The following NIBAN1 variants were observed in gnomAD, a reference collection of about 807,000 sequenced individuals.
NIBAN1 encodes the protein niban apoptosis regulator 1.
In NIBAN1, 81 loss-of-function variants were observed where a neutral mutation model predicts 75.1. The observed-to-expected ratio is 1.08, with a 90% confidence interval of 0.90 to 1.30. The LOEUF (loss-of-function observed/expected upper bound fraction) is 1.30. Ranked by LOEUF, NIBAN1 falls within the 50% of genes most tolerant of loss-of-function variation. The pLI, the probability that NIBAN1 is intolerant of heterozygous loss-of-function variation, is 0.00. For synonymous variants in NIBAN1, 436 were observed against 424.8 expected, an observed-to-expected ratio of 1.03 and a Z score of -0.32; for missense variants, 1,133 against 1,128.1, an observed-to-expected ratio of 1.00 and a Z score of -0.06.
At chr1:184,882,583 G>T (rs1656404414) in intron 5 of NIBAN1, among the ~76,000 whole-genome samples, 2 of 152,208 alleles carry the variant, frequency 1.3e-5, no homozygotes, top group African/African-American at 4.8e-5. Context: ...TGGTGCCTTT[G>T]ATAACATACT....
chr1:184,815,308 ATCT>A (rs1654496465), intron 9 of NIBAN1, among the ~76,000 whole-genome samples: 1 of 152,194 alleles, frequency 6.6e-6, no homozygotes, highest in South Asian at 2.1e-4. Context: ...TGAAGATTAG[ATCT>A]TCTGAAAACA....
At chr1:184,799,808 C>T (rs1241997719) in intron 12 of NIBAN1, among the ~76,000 whole-genome samples, 4 of 81,734 alleles carry the variant, frequency 4.9e-5, no homozygotes, top group South Asian at 9.1e-4. Context: ...TGCAGTGGCG[C>T]GATCTAGGCT....
chr1:184,957,293 T>C (rs1254210830), intron 1 of NIBAN1, among the ~76,000 whole-genome samples: 3 of 152,236 alleles, frequency 2.0e-5, no homozygotes, highest in Non-Finnish European at 2.9e-5. Flanking sequence ...ACCTTGAGAA[T>C]AGTTGTTTAA....
chr1:184,886,112 TA>T (rs1394914193), intron 4 of NIBAN1, among the ~76,000 whole-genome samples: 1 of 152,014 alleles, frequency 6.6e-6, no homozygotes, highest in African/African-American at 2.4e-5. Flanking sequence ...TGCTTTCCCA[TA>T]AAAAAATTCT....
At chr1:184,945,156 G>T (rs1658189866) in intron 1 of NIBAN1, among the ~76,000 whole-genome samples, 1 of 152,218 alleles carries the variant, frequency 6.6e-6, no homozygotes, top group Admixed American at 6.5e-5. Context: ...TAAACTAAAA[G>T]CAGAAAGTCT....
chr1:184,930,942 A>G (rs1657801307), intron 1 of NIBAN1, among the ~76,000 whole-genome samples: 1 of 151,952 alleles, frequency 6.6e-6, no homozygotes, highest in Non-Finnish European at 1.5e-5. Context: ...ATGAGTCTGC[A>G]GGCACATTTT....
rs1653744789 is a variant in NIBAN1 at position 184,793,270 on chromosome 1, T to C, written c.*1707A>G. 6.6e-6 allele frequency: 1 copy of C among 152,108 alleles called. No individual in the cohort carries two copies. Among genetic ancestry groups the C allele is most frequent in the Non-Finnish European group, 1.5e-5 (1 of 68,010 alleles). The allele number at this position is 152,108 out of a possible 1,614,324, so 9.4% of individuals were successfully genotyped here. On this transcript the variant is annotated 3_prime_UTR_variant, in exon 14 of 14. Coordinates refer to ENST00000367511, the MANE Select transcript of NIBAN1 (RefSeq NM_052966.4). ...AATATGTTGAGATCTGATGTTAAAA[T>C]TTGGGGAGGGGCCAGGTAGCTCACG...
chr1:184,826,408 G>T (rs2102228002), intron 6 of NIBAN1, among the ~76,000 whole-genome samples: 1 of 152,290 alleles, frequency 6.6e-6, no homozygotes, highest in Admixed American at 6.5e-5. Flanking sequence ...GTAATGGCAA[G>T]AACCGCAATT....
chr1:184,843,497 T>C (rs1557885369), intron 5 of NIBAN1, among the ~76,000 whole-genome samples: 1 of 152,134 alleles, frequency 6.6e-6, no homozygotes, highest in Non-Finnish European at 1.5e-5. Flanking sequence ...ACCATCAAAA[T>C]ACTCTGTGTG....
intron 5 of NIBAN1, among the ~76,000 whole-genome samples, chr1:184,862,531 T>A (rs1302534445): frequency 1.3e-5 from 2 of 152,186 alleles, no homozygotes; most frequent in Non-Finnish European, 2.9e-5. Flanking sequence ...TCTCCATATT[T>A]ATTTGAAATA....
intron 1 of NIBAN1, among the ~76,000 whole-genome samples, chr1:184,931,557 A>G (rs776045720): frequency 6.6e-6 from 1 of 152,238 alleles, no homozygotes; most frequent in Non-Finnish European, 1.5e-5. Context: ...TGGAGGATAA[A>G]TTTGATATTA....
At chr1:184,839,802 G>C (rs576337857) in intron 5 of NIBAN1, among the ~76,000 whole-genome samples, 6 of 152,078 alleles carry the variant, frequency 3.9e-5, no homozygotes, top group Non-Finnish European at 7.4e-5. Context: ...TTGCCATATT[G>C]GCCAGGCTGG....
intron 1 of NIBAN1, among the ~76,000 whole-genome samples, chr1:184,947,023 A>G (rs567579934): frequency 2.6e-5 from 4 of 151,260 alleles, no homozygotes; most frequent in Admixed American, 1.3e-4. Flanking sequence ...TGGTGAGCCA[A>G]GACCGCGCCA....
chr1:184,851,374 G>A lies in NIBAN1; in HGVS notation c.602-19412C>T, dbSNP rs1387474438. On this transcript the variant is annotated intron_variant, in intron 5 of 13. Transcript: ENST00000367511. ...AAACCATCATTCTCAGTAAACTATC[G>A]CAAGAACAAAAAACCAAACACCGCA... is the stretch of plus-strand genomic sequence containing the variant. Among the ~76,000 whole-genome samples the A allele has an allele frequency of 1.9e-4, 6 of 32,244 alleles. No homozygotes were observed. In the South Asian group the frequency reaches 5.0e-3, roughly 27 times the overall value. The allele number at this position is 32,244 out of a possible 152,430, so 21.2% of individuals were successfully genotyped here.
chr1:184,889,094 T>G (rs1571549685), intron 4 of NIBAN1, among the ~76,000 whole-genome samples: 1 of 152,238 alleles, frequency 6.6e-6, no homozygotes, highest in African/African-American at 2.4e-5. Flanking sequence ...GTAATTACTA[T>G]GTAGTATGAT....
chr1:184,803,572 C>T lies in NIBAN1; in HGVS notation c.1554+13G>A. 6.2e-7 allele frequency: 1 copy of T among 1,606,530 alleles called. No homozygotes were observed. Among genetic ancestry groups the T allele is most frequent in the Non-Finnish European group, 8.5e-7 (1 of 1,173,172 alleles). On this transcript the variant is annotated intron_variant, in intron 12 of 13. Transcript: ENST00000367511. ...AAGAAGAGCAAGCTCTTTAGGGTAACTCATCCCCTTACTGGTTTGCATGTG... is the reference window on the plus strand; with the variant it reads ...AAGAAGAGCAAGCTCTTTAGGGTAATTCATCCCCTTACTGGTTTGCATGTG...
At chr1:184,822,005 C>T (rs534782159) in intron 8 of NIBAN1, among the ~76,000 whole-genome samples, 11 of 152,108 alleles carry the variant, frequency 7.2e-5, no homozygotes, top group South Asian at 2.1e-4. Flanking sequence ...TCCACAAAGC[C>T]GACAGCCCCG....
intron 5 of NIBAN1, among the ~76,000 whole-genome samples, chr1:184,881,505 C>T (rs1288516333): frequency 6.6e-6 from 1 of 152,050 alleles, no homozygotes; most frequent in Non-Finnish European, 1.5e-5. Context: ...GAAAGGGGTC[C>T]CGATCCAGAT....
At chr1:184,878,001 A>G (rs1166880334) in intron 5 of NIBAN1, among the ~76,000 whole-genome samples, 1 of 152,040 alleles carries the variant, frequency 6.6e-6, no homozygotes, top group Non-Finnish European at 1.5e-5. Context: ...TATCATAACC[A>G]TACAATTTTT....
Sources: allele counts gnomAD v4.1 joint callset (sites outside exome capture counted in the v4.1 genomes callset), GRCh38; gene constraint gnomAD v4.1.1; transcripts MANE v1.5; gene names NCBI Gene and HGNC (gene_info 2026-07-23, HGNC 2026-07-21).